Variants in GRID1 observed in about 807,000 individuals in gnomAD.
The protein encoded by GRID1 is glutamate receptor ionotropic, delta-1.
Under a neutral mutation model 98.0 loss-of-function variants are expected in GRID1, and 28 were observed. That is an observed-to-expected ratio of 0.29 (90% confidence interval 0.21 to 0.39). The LOEUF is 0.39. Among genes scored for constraint, GRID1 ranks in the 10% least tolerant of loss-of-function variants. The pLI is 1.00. For synonymous variants in GRID1, 553 were observed against 538.5 expected (o/e 1.03, Z -0.37); for missense variants, 1,111 against 1,340.5 (o/e 0.83, Z 2.67).
intron 4 of GRID1, among the ~76,000 whole-genome samples, chr10:86,094,763 G>A (rs1844196402): frequency 6.6e-6 from 1 of 151,468 alleles, no homozygotes; most frequent in Non-Finnish European, 1.5e-5. Context: ...TGACCATACT[G>A]CCAAAAGCTA....
At position 85,950,444 on chromosome 10, in the gene GRID1, C is replaced by T. The variant is rs376687367; in HGVS notation, c.727-34205G>A. ...TCTAGCCAAAGAGACTGTGAAATGT[C>T]CAAAGAAAAGCAAGATGTAACTCCA... On this transcript the variant is annotated intron_variant, in intron 4 of 15. Coordinates refer to ENST00000327946, the MANE Select transcript of GRID1 (RefSeq NM_017551.3). 1.5e-4 allele frequency among the ~76,000 whole-genome samples: 23 copies of T among 152,186 alleles called. No homozygotes were observed. In the East Asian group the frequency reaches 3.7e-3, roughly 24 times the overall value.
chr10:86,366,282 C>G lies in GRID1; in HGVS notation c.79+32G>C. 6.9e-7 allele frequency: 1 copy of G among 1,456,634 alleles called. No homozygotes were observed. Among genetic ancestry groups the G allele is most frequent in the Non-Finnish European group, 9.2e-7 (1 of 1,092,756 alleles). 90.2% of individuals were successfully genotyped at this position (1,456,634 alleles called of 1,614,324 possible). ...CCCCCTGCCCCGTTGGGGCCCCCGC[C>G]CAGCCTCGGCCCGGCCTCCAGCCGC... On this transcript the variant is annotated intron_variant, in intron 1 of 15. Transcript: ENST00000327946. The surrounding 1 kb of genome is among the most constrained non-coding windows in gnomAD (Gnocchi z 4.1).
intron 4 of GRID1, among the ~76,000 whole-genome samples, chr10:86,096,849 T>C (rs972830740): frequency 9.9e-5 from 15 of 152,206 alleles, no homozygotes; most frequent in African/African-American, 3.6e-4. Flanking sequence ...CAGTATGTGG[T>C]ACTGTTTCTT....
intron 12 of GRID1, among the ~76,000 whole-genome samples, chr10:85,704,856 C>T (rs904738896): frequency 6.6e-6 from 1 of 152,180 alleles, no homozygotes; most frequent in African/African-American, 2.4e-5. Context: ...GAAAAACCTG[C>T]TCCTGAATGA....
At chr10:86,024,421 G>A (rs989179113) in intron 4 of GRID1, among the ~76,000 whole-genome samples, 3 of 152,212 alleles carry the variant, frequency 2.0e-5, no homozygotes, top group African/African-American at 7.2e-5. Flanking sequence ...CACACATCAA[G>A]TGAGAAAAGA....
At chr10:86,219,121 A>T (rs1242813255) in intron 2 of GRID1, among the ~76,000 whole-genome samples, 2 of 152,184 alleles carry the variant, frequency 1.3e-5, no homozygotes, top group Non-Finnish European at 2.9e-5. Context: ...TTCAGGTGGG[A>T]GTGCATGCAG....
intron 12 of GRID1, among the ~76,000 whole-genome samples, chr10:85,687,045 C>T (rs980895554): frequency 5.3e-5 from 8 of 152,140 alleles, no homozygotes; most frequent in Non-Finnish European, 1.0e-4. Flanking sequence ...GTATAATAAT[C>T]TTATCTTCCA....
chr10:85,808,771 T>A (rs1842643849), intron 8 of GRID1, among the ~76,000 whole-genome samples: 1 of 152,020 alleles, frequency 6.6e-6, no homozygotes. Context: ...CAGACAAAAC[T>A]AACATAAACC....
intron 4 of GRID1, among the ~76,000 whole-genome samples, chr10:86,065,852 C>A (rs1843712743): frequency 6.6e-6 from 1 of 152,174 alleles, no homozygotes; most frequent in Non-Finnish European, 1.5e-5. Flanking sequence ...GTTAATCACT[C>A]AAGATCCTTC....
intron 15 of GRID1, among the ~76,000 whole-genome samples, chr10:85,603,138 A>G (rs1442243439): frequency 6.6e-6 from 1 of 152,216 alleles, no homozygotes; most frequent in Non-Finnish European, 1.5e-5. Context: ...ACTTTGTATG[A>G]TCATCCCCAC....
chr10:85,974,736 C>T (rs1400756073), intron 4 of GRID1, among the ~76,000 whole-genome samples: 2 of 152,230 alleles, frequency 1.3e-5, no homozygotes, highest in Non-Finnish European at 2.9e-5. Flanking sequence ...ATGTTGAACG[C>T]TACCTAATGC....
intron 6 of GRID1, among the ~76,000 whole-genome samples, chr10:85,868,791 C>A (rs1421352647): frequency 6.6e-6 from 1 of 152,112 alleles, no homozygotes; most frequent in Non-Finnish European, 1.5e-5. Context: ...CCAGAGACAC[C>A]CGGTGAGCCA....
intron 8 of GRID1, among the ~76,000 whole-genome samples, chr10:85,737,435 T>C (rs1203974643): frequency 6.6e-6 from 1 of 151,600 alleles, no homozygotes; most frequent in Non-Finnish European, 1.5e-5. Context: ...GCAATGGAAA[T>C]GCTCAAGCTC....
At chr10:85,827,266 C>T (rs373985185) in intron 8 of GRID1, among the ~76,000 whole-genome samples, 2 of 152,072 alleles carry the variant, frequency 1.3e-5, no homozygotes, top group Admixed American at 6.5e-5. Flanking sequence ...AATGAAGTGG[C>T]CATTTGAAGA....
intron 4 of GRID1, among the ~76,000 whole-genome samples, chr10:86,110,573 C>G (rs922379259): frequency 2.0e-5 from 3 of 152,180 alleles, no homozygotes; most frequent in Admixed American, 6.5e-5. Flanking sequence ...GGGCTCACTA[C>G]TGCCCTCCTT....
At chr10:85,665,750 T>C (rs561152738) in intron 12 of GRID1, among the ~76,000 whole-genome samples, 14 of 152,280 alleles carry the variant, frequency 9.2e-5, no homozygotes, top group African/African-American at 3.4e-4. Context: ...CTTCGTGATA[T>C]AAACGCCTGC....
At chr10:85,769,621 C>G (rs1297033548) in intron 8 of GRID1, among the ~76,000 whole-genome samples, 2 of 152,188 alleles carry the variant, frequency 1.3e-5, no homozygotes, top group African/African-American at 4.8e-5. Context: ...ACACCCACCC[C>G]AATACTGTGC....
At chr10:86,083,543 C>T (rs192460923) in intron 4 of GRID1, among the ~76,000 whole-genome samples, 14 of 152,276 alleles carry the variant, frequency 9.2e-5, no homozygotes, top group East Asian at 7.7e-4. Context: ...GGACATTGCA[C>T]GAAGCGATGG....
At chr10:86,332,899 T>C (rs1248480364) in intron 2 of GRID1, among the ~76,000 whole-genome samples, 1 of 152,136 alleles carries the variant, frequency 6.6e-6, no homozygotes, top group African/African-American at 2.4e-5. Flanking sequence ...TGCTCTGACC[T>C]TCACACAGCC....
Sources: gnomAD v4.1 joint callset for allele counts (sites outside exome capture counted in the v4.1 genomes callset) on GRCh38, gnomAD v4.1.1 for gene constraint, Gnocchi (gnomAD v3.1) non-coding constraint, MANE v1.5 for transcripts, NCBI Gene and HGNC (gene_info 2026-07-23, HGNC 2026-07-21) for gene names.